Variants in AGAP1 observed in about 807,000 individuals in gnomAD.
AGAP1 encodes the protein arf-GAP with GTPase, ANK repeat and PH domain-containing protein 1.
AGAP1 carries 29 observed loss-of-function variants against 105.3 expected under a neutral mutation model. The ratio of observed to expected loss-of-function variants is 0.28; its 90% CI spans 0.21 to 0.38. The LOEUF (loss-of-function observed/expected upper bound fraction) is 0.38, where lower values mean the gene tolerates loss of function less well. AGAP1 is among the 10% of genes least tolerant of loss of function. The pLI is 1.00. For synonymous variants in AGAP1, 509 were observed against 485.9 expected (o/e 1.05, Z -0.63); for missense variants, 998 against 1,165.1 (o/e 0.86, Z 2.09).
At chr2:235,509,118 G>A (rs1196531103) in intron 1 of AGAP1, among the ~76,000 whole-genome samples, 4 of 152,336 alleles carry the variant, frequency 2.6e-5, no homozygotes, top group East Asian at 1.9e-4. Flanking sequence ...TGATGTGAAC[G>A]ATTACTTATA....
intron 9 of AGAP1, among the ~76,000 whole-genome samples, chr2:235,823,685 T>C (rs184589076): frequency 6.6e-6 from 1 of 152,252 alleles, no homozygotes; most frequent in African/African-American, 2.4e-5. Flanking sequence ...TTTACTGTTT[T>C]GACCCAGATA....
rs2050545285 is a variant in AGAP1 at position 235,891,613 on chromosome 2, C to T, written c.1155+8164C>T. 1.3e-5 allele frequency among the ~76,000 whole-genome samples: 2 copies of T among 152,146 alleles called. No homozygotes were observed. The highest frequency in any genetic ancestry group is 2.1e-4 in the South Asian group (1 of 4,818). ...TCTTCCATGTCGCAAGCACGGCCGT[C>T]GAGTGCAAGGCTGCAATTCCCTGCT... On this transcript the variant is annotated intron_variant, in intron 10 of 17. Transcript: ENST00000304032. This position sits in a 1 kb window ranked among gnomAD's most constrained non-coding sequence, Gnocchi z 4.2.
chr2:235,838,793 A>C (rs1350682433), intron 9 of AGAP1, among the ~76,000 whole-genome samples: 1 of 152,178 alleles, frequency 6.6e-6, no homozygotes, highest in African/African-American at 2.4e-5. Flanking sequence ...AGTATTTTCT[A>C]CAGATGACAT....
intron 2 of AGAP1, among the ~76,000 whole-genome samples, chr2:235,709,981 A>G (rs1950765169): frequency 6.6e-6 from 1 of 152,094 alleles, no homozygotes; most frequent in Non-Finnish European, 1.5e-5. Flanking sequence ...TTCCGTGTGT[A>G]TGTTTATATT....
rs1239865054 is a variant in AGAP1 at position 235,867,097 on chromosome 2, C to T, written c.1051-16248C>T. Reference sequence around the variant, plus strand: ...GCATGGGAGGCTAAAGGGGCGCTCACCAGGATGGCCAGAGGAAGGGGCAGG... The same window carrying T: ...GCATGGGAGGCTAAAGGGGCGCTCATCAGGATGGCCAGAGGAAGGGGCAGG... On this transcript the variant is annotated intron_variant, in intron 9 of 17. Coordinates refer to ENST00000304032, the MANE Select transcript of AGAP1 (RefSeq NM_001037131.3). This position sits in a 1 kb window ranked among gnomAD's most constrained non-coding sequence, Gnocchi z 5.4. Among the ~76,000 whole-genome samples, 2 of 152,128 alleles carry T rather than the reference C, an allele frequency of 1.3e-5. No individual in the cohort carries two copies. Among genetic ancestry groups the T allele is most frequent in the African/African-American group, 2.4e-5 (1 of 41,412 alleles).
At chr2:235,709,643 G>A (rs1233904806) in intron 2 of AGAP1, among the ~76,000 whole-genome samples, 1 of 152,158 alleles carries the variant, frequency 6.6e-6, no homozygotes, top group Non-Finnish European at 1.5e-5. Flanking sequence ...TGTCACGGAA[G>A]GCTTCTGTCA....
chr2:235,901,608 T>C lies in AGAP1; in HGVS notation c.1156-7130T>C, dbSNP rs902474180. Among the ~76,000 whole-genome samples the C allele has an allele frequency of 3.3e-5, 5 of 152,082 alleles. No individual in the cohort carries two copies. Among genetic ancestry groups the C allele is most frequent in the African/African-American group, 9.7e-5 (4 of 41,436 alleles). On this transcript the variant is annotated intron_variant, in intron 10 of 17. Coordinates refer to ENST00000304032, the MANE Select transcript of AGAP1 (RefSeq NM_001037131.3). This position sits in a 1 kb window ranked among gnomAD's most constrained non-coding sequence, Gnocchi z 4.3. Reference sequence around the variant, plus strand: ...CTTTTTAAAAATTATGGGCCAGGTGTGGTGGCTCACACCTGTAATCCCAGC... The same window carrying C: ...CTTTTTAAAAATTATGGGCCAGGTGCGGTGGCTCACACCTGTAATCCCAGC...
intron 16 of AGAP1, among the ~76,000 whole-genome samples, chr2:236,081,258 T>TG (rs1450708180): frequency 1.3e-5 from 2 of 152,160 alleles, no homozygotes; most frequent in Admixed American, 1.3e-4. Context: ...GCCGGGGTCC[T>TG]GTCCTGCCAC....
intron 13 of AGAP1, among the ~76,000 whole-genome samples, chr2:236,019,636 C>T (rs961777810): frequency 6.6e-6 from 1 of 152,176 alleles, no homozygotes; most frequent in African/African-American, 2.4e-5. Context: ...CAGCCTGCAC[C>T]TGGACGGGGC....
At position 236,080,986 on chromosome 2, in the gene AGAP1, T is replaced by A. The variant is rs2058765851; in HGVS notation, c.2114+31705T>A. Among the ~76,000 whole-genome samples, 1 of 152,222 alleles carries A rather than the reference T, an allele frequency of 6.6e-6. No individual in the cohort carries two copies. Among genetic ancestry groups the A allele is most frequent in the Admixed American group, 6.5e-5 (1 of 15,288 alleles). On this transcript the variant is annotated intron_variant, in intron 16 of 17. Coordinates refer to ENST00000304032, the MANE Select transcript of AGAP1 (RefSeq NM_001037131.3). The surrounding 1 kb of genome is among the most constrained non-coding windows in gnomAD (Gnocchi z 4.2). ...TAGGTTGCCATGTAAGGTCACATAGTCACAGGTCCTGGGGATTAGGACGTT... is the reference window on the plus strand; with the variant it reads ...TAGGTTGCCATGTAAGGTCACATAGACACAGGTCCTGGGGATTAGGACGTT...
intron 1 of AGAP1, among the ~76,000 whole-genome samples, chr2:235,512,812 C>A (rs1357096227): frequency 6.6e-6 from 1 of 152,212 alleles, no homozygotes; most frequent in Non-Finnish European, 1.5e-5. Context: ...GCCAGAGAAT[C>A]TGCCCTTTGC....
intron 1 of AGAP1, among the ~76,000 whole-genome samples, chr2:235,516,065 C>T (rs1338271296): frequency 1.0e-5 from 1 of 96,510 alleles, no homozygotes; most frequent in African/African-American, 4.5e-5. Flanking sequence ...TCTGCTGCTG[C>T]TGCTGCTGCT....
In AGAP1 at chr2:235,908,691, T is replaced by G; in HGVS notation, c.1156-47T>G. Reference sequence around the variant, plus strand: ...CCCTTTTGTTCTAGGTTGTAAAAGGTCTTTTTTTTTTTTTTATCTCTCTTG... The same window carrying G: ...CCCTTTTGTTCTAGGTTGTAAAAGGGCTTTTTTTTTTTTTTATCTCTCTTG... On this transcript the variant is annotated intron_variant, in intron 10 of 17. Transcript: ENST00000304032. This position sits in a 1 kb window ranked among gnomAD's most constrained non-coding sequence, Gnocchi z 4.4. 7.0e-7 allele frequency: 1 copy of G among 1,437,676 alleles called. No individual in the cohort carries two copies. Among genetic ancestry groups the G allele is most frequent in the Non-Finnish European group, 9.3e-7 (1 of 1,073,506 alleles). The allele number at this position is 1,437,676 out of a possible 1,614,324, so 89.1% of individuals were successfully genotyped here.
Position 235,927,198 on chromosome 2 carries a change from G to A in AGAP1, c.1325-3567G>A, listed in dbSNP as rs1379123381. ...GCCTTCACGAGCTATAGGGCTCTAA[G>A]AGTCTGCCGTCAGAAGGATTGTGGA... On this transcript the variant is annotated intron_variant, in intron 11 of 17. Transcript: ENST00000304032. The surrounding 1 kb of genome is among the most constrained non-coding windows in gnomAD (Gnocchi z 4.4). Among the ~76,000 whole-genome samples the A allele has an allele frequency of 6.6e-6, 1 of 152,160 alleles. No individual in the cohort carries two copies. The highest frequency in any genetic ancestry group is 1.5e-5 in the Non-Finnish European group (1 of 68,022).
At chr2:235,854,750 C>T (rs1377774118) in intron 9 of AGAP1, among the ~76,000 whole-genome samples, 1 of 152,230 alleles carries the variant, frequency 6.6e-6, no homozygotes, top group African/African-American at 2.4e-5. Flanking sequence ...ACTGTCATGG[C>T]ACGAGCTCAA....
chr2:235,736,162 T>G lies in AGAP1; in HGVS notation c.311-4801T>G, dbSNP rs945672574. On this transcript the variant is annotated intron_variant, in intron 3 of 17. Transcript: ENST00000304032. The surrounding 1 kb of genome is among the most constrained non-coding windows in gnomAD (Gnocchi z 5.5). ...TGGTTCCACCTTAGGGTCAGGCAGC[T>G]GCGACCGATCTGTCTGGTTCCTCAC... Among the ~76,000 whole-genome samples the G allele has an allele frequency of 2.6e-5, 4 of 151,900 alleles. No homozygotes were observed. The East Asian group carries it at 7.8e-4, about 30-fold the overall frequency.
In AGAP1 at chr2:235,916,901, A is replaced by G. The variant is rs182080730; in HGVS notation, c.1324+7995A>G. Reference sequence around the variant, plus strand: ...GCTCCCCAACAGACAGCATCCCACTATCATGGCAGCAAGGGGGCAGACAGA... The same window carrying G: ...GCTCCCCAACAGACAGCATCCCACTGTCATGGCAGCAAGGGGGCAGACAGA... On this transcript the variant is annotated intron_variant, in intron 11 of 17. Coordinates refer to ENST00000304032, the MANE Select transcript of AGAP1 (RefSeq NM_001037131.3). 2.0e-3 allele frequency among the ~76,000 whole-genome samples: 298 copies of G among 152,314 alleles called. 2 individuals carry two copies. Among genetic ancestry groups the G allele is most frequent in the South Asian group, 5.0e-3 (24 of 4,820 alleles).
intron 11 of AGAP1, among the ~76,000 whole-genome samples, chr2:235,911,081 A>G (rs1268550926): frequency 1.3e-5 from 2 of 152,214 alleles, no homozygotes; most frequent in African/African-American, 4.8e-5. Context: ...TCATTTTTAT[A>G]ATTTTAAATT....
rs2106592462 is a variant in AGAP1 at position 235,877,204 on chromosome 2, A to G, written c.1051-6141A>G. ...CTTCAACATTGATTTAACTGTTTTG[A>G]TAATAATTATGCAGTTAGGTACAAG... is the stretch of plus-strand genomic sequence containing the variant. On this transcript the variant is annotated intron_variant, in intron 9 of 17. Transcript: ENST00000304032. The surrounding 1 kb of genome is among the most constrained non-coding windows in gnomAD (Gnocchi z 4.3). 6.6e-6 allele frequency among the ~76,000 whole-genome samples: 1 copy of G among 152,278 alleles called. No homozygotes were observed. The highest frequency in any genetic ancestry group is 3.4e-3 in the Middle Eastern group (1 of 294).
Sources: gnomAD v4.1 joint callset for allele counts (sites outside exome capture counted in the v4.1 genomes callset) on GRCh38, gnomAD v4.1.1 for gene constraint, Gnocchi (gnomAD v3.1) non-coding constraint, MANE v1.5 for transcripts, NCBI Gene and HGNC (gene_info 2026-07-23, HGNC 2026-07-21) for gene names.